OXR1: variants seen among roughly 807,000 people sequenced by gnomAD.
The protein encoded by OXR1 is oxidation resistance 1.
A neutral mutation model predicts 104.6 loss-of-function variants in OXR1; 41 were observed. The ratio of observed to expected loss-of-function variants is 0.39; its 90% CI spans 0.31 to 0.51. The LOEUF (loss-of-function observed/expected upper bound fraction) is 0.51. Ranked by LOEUF, OXR1 falls within the 20% of genes least tolerant of loss-of-function variation. The probability of loss-of-function intolerance (pLI) is 0.77; values close to 1 mark genes in which losing one functional copy is unlikely to be tolerated. For synonymous variants in OXR1, 348 were observed against 348.4 expected (o/e 1.00, Z 0.01); for missense variants, 955 against 1,031.9 (o/e 0.93, Z 1.02).
chr8:106,589,124 C>T (rs1262701934), intron 3 of OXR1, among the ~76,000 whole-genome samples: 1 of 152,190 alleles, frequency 6.6e-6, no homozygotes, highest in Non-Finnish European at 1.5e-5. Flanking sequence ...GTGTGAACAG[C>T]ATGCAGGGGA....
intron 1 of OXR1, among the ~76,000 whole-genome samples, chr8:106,340,338 G>A (rs76841683): frequency 6.6e-6 from 1 of 151,990 alleles, no homozygotes; most frequent in African/African-American, 2.4e-5. Context: ...AAAGGTATAT[G>A]TAATTATATG....
chr8:106,552,459 C>G (rs184889594), intron 3 of OXR1, among the ~76,000 whole-genome samples: 6 of 152,066 alleles, frequency 3.9e-5, no homozygotes, highest in Non-Finnish European at 8.8e-5. Context: ...ATGTGGCTCT[C>G]GGGCCTAAAC....
chr8:106,481,942 A>C (rs1310131025), intron 2 of OXR1, among the ~76,000 whole-genome samples: 1 of 152,022 alleles, frequency 6.6e-6, no homozygotes, highest in Non-Finnish European at 1.5e-5. Flanking sequence ...AATATGTAAG[A>C]TAATACATTT....
chr8:106,512,614 A>G (rs1310314256), intron 2 of OXR1, among the ~76,000 whole-genome samples: 1 of 152,186 alleles, frequency 6.6e-6, no homozygotes, highest in Non-Finnish European at 1.5e-5. Context: ...ATCATGATGT[A>G]GTTTAGGCTC....
chr8:106,355,573 A>G (rs575323689), intron 1 of OXR1, among the ~76,000 whole-genome samples: 1 of 152,296 alleles, frequency 6.6e-6, no homozygotes, highest in African/African-American at 2.4e-5. Flanking sequence ...TATAAGTTAT[A>G]AAAGAAAAGG....
In OXR1 at chr8:106,703,057, T is replaced by C. The variant is rs1331111704; in HGVS notation, c.827T>C (p.Ile276Thr). 1 of 1,613,246 alleles carries C rather than the reference T, an allele frequency of 6.2e-7. No individual in the cohort carries two copies. Among genetic ancestry groups the C allele is most frequent in the South Asian group, 1.1e-5 (1 of 91,022 alleles). ...EVMSAAMYKE[I>T]LDSKIKESLP... is the part of the protein sequence containing the mutation. ...ATGTCAGCTGCAATGTACAAAGAAA[T>C]TTTGGATAGCAAAATAAAGGAATCT... The change falls in exon 8 of 17, where the codon ATT (isoleucine) becomes ACT (threonine). Residue 276 changes from isoleucine (I) to threonine (T), a missense_variant. Physicochemically the swap from Ile to Thr is moderately conservative, Grantham distance 89. This residue lies in a region of OXR1 where 849 missense variants were observed against 852.9 expected (regional missense o/e 1.00). Transcript: ENST00000517566.
intron 1 of OXR1, among the ~76,000 whole-genome samples, chr8:106,340,256 A>G (rs573830725): frequency 6.6e-6 from 1 of 152,210 alleles, no homozygotes; most frequent in African/African-American, 2.4e-5. Context: ...TGAATGGATC[A>G]TAATAATGAC....
At chr8:106,673,281 C>G (rs1756299756) in intron 3 of OXR1, among the ~76,000 whole-genome samples, 1 of 152,158 alleles carries the variant, frequency 6.6e-6, no homozygotes, top group African/African-American at 2.4e-5. Flanking sequence ...TCTTGCTATG[C>G]TTTACAAAGA....
chr8:106,374,930 C>T (rs1215098680), intron 2 of OXR1, among the ~76,000 whole-genome samples: 1 of 152,148 alleles, frequency 6.6e-6, no homozygotes, highest in South Asian at 2.1e-4. Context: ...TAGACTCCCG[C>T]TGTAATTGAA....
intron 3 of OXR1, among the ~76,000 whole-genome samples, chr8:106,676,164 C>A (rs187264578): frequency 6.6e-6 from 1 of 151,968 alleles, no homozygotes; most frequent in African/African-American, 2.4e-5. Flanking sequence ...ATTTGATTGG[C>A]GGATTTTTCT....
chr8:106,563,302 A>G lies in OXR1; in HGVS notation c.220+44163A>G, dbSNP rs535216348. 2.2e-3 allele frequency among the ~76,000 whole-genome samples: 327 copies of G among 150,386 alleles called. 5 individuals are homozygous for G. Among genetic ancestry groups the G allele is most frequent in the Admixed American group, 3.7e-3 (56 of 15,092 alleles). ...TTACCAAGCAAATGGAAAGCAAAAA[A>G]AAAAAAAAAAAAGAAAAAAAAAGCA... On this transcript the variant is annotated intron_variant, in intron 3 of 16. Coordinates refer to ENST00000517566, the MANE Select transcript of OXR1 (RefSeq NM_001198533.2).
At chr8:106,346,002 A>G (rs570617569) in intron 1 of OXR1, among the ~76,000 whole-genome samples, 134 of 152,174 alleles carry the variant, frequency 8.8e-4, no homozygotes, top group Admixed American at 4.6e-4. Context: ...GGACTAGTAC[A>G]AAAGATTTTA....
intron 3 of OXR1, among the ~76,000 whole-genome samples, chr8:106,593,441 G>A (rs1460001716): frequency 6.6e-6 from 1 of 152,216 alleles, no homozygotes; most frequent in Non-Finnish European, 1.5e-5. Flanking sequence ...AGCAATAGAA[G>A]TATACACATA....
At chr8:106,463,967 C>A (rs753841297) in intron 2 of OXR1, among the ~76,000 whole-genome samples, 2 of 152,110 alleles carry the variant, frequency 1.3e-5, no homozygotes, top group Non-Finnish European at 2.9e-5. Context: ...TGATTTCACT[C>A]AAAACTACAG....
intron 2 of OXR1, among the ~76,000 whole-genome samples, chr8:106,443,831 A>G (rs1819895081): frequency 6.6e-6 from 1 of 152,212 alleles, no homozygotes; most frequent in Admixed American, 6.5e-5. Context: ...ACAAAAGCCA[A>G]AATTGACAAA....
chr8:106,497,576 T>C (rs1402479560), intron 2 of OXR1, among the ~76,000 whole-genome samples: 1 of 152,208 alleles, frequency 6.6e-6, no homozygotes, highest in East Asian at 1.9e-4. Flanking sequence ...AAGGTTTTAT[T>C]ACTTCACACT....
chr8:106,561,792 C>A (rs1366622873), intron 3 of OXR1, among the ~76,000 whole-genome samples: 2 of 152,206 alleles, frequency 1.3e-5, no homozygotes, highest in Non-Finnish European at 2.9e-5. Context: ...AGGCAGCAAT[C>A]TTTGCTGTTC....
At chr8:106,612,828 T>A (rs1160186636) in intron 3 of OXR1, among the ~76,000 whole-genome samples, 1 of 152,108 alleles carries the variant, frequency 6.6e-6, no homozygotes, top group African/African-American at 2.4e-5. Flanking sequence ...GCCCTACGAA[T>A]ACTAAGATTC....
chr8:106,296,645 G>T (rs1284951953), intron 1 of OXR1, among the ~76,000 whole-genome samples: 1 of 152,132 alleles, frequency 6.6e-6, no homozygotes, highest in South Asian at 2.1e-4. Flanking sequence ...ACCTGTTTGT[G>T]TTGATGAATA....
Sources: gnomAD v4.1 joint callset for allele counts (sites outside exome capture counted in the v4.1 genomes callset) on GRCh38, gnomAD v4.1.1 for gene constraint, gnomAD v4.1.1 regional missense constraint, MANE v1.5 for transcripts, NCBI Gene and HGNC (gene_info 2026-07-23, HGNC 2026-07-21) for gene names.